Variants in ADCY2 observed in about 807,000 individuals in gnomAD.
ADCY2 encodes the protein adenylate cyclase 2.
In ADCY2, 31 loss-of-function variants were observed where a neutral mutation model predicts 125.2. That is an observed-to-expected ratio of 0.25 (90% CI 0.19 to 0.33). The LOEUF (loss-of-function observed/expected upper bound fraction) is 0.33. ADCY2 is among the 10% of genes least tolerant of loss of function. The pLI, the probability that ADCY2 is intolerant of heterozygous loss-of-function variation, is 1.00. For synonymous variants in ADCY2, 512 were observed against 548.4 expected (o/e 0.93, Z 0.93); for missense variants, 904 against 1,418.2 (o/e 0.64, Z 5.82).
rs1740999167 is a variant in ADCY2 at position 7,699,220 on chromosome 5, C to T, written c.1109+846C>T. Among the ~76,000 whole-genome samples the T allele has an allele frequency of 2.7e-5, 4 of 146,838 alleles. No individual in the cohort carries two copies. In the South Asian group the frequency reaches 9.0e-4, roughly 33 times the overall value. ...TCACGCCATTCTCCTGCCTCAGCCT[C>T]CCAAGTAGCTGGGACTACAGGCGCC... is the stretch of plus-strand genomic sequence containing the variant. On this transcript the variant is annotated intron_variant, in intron 7 of 24. Transcript: ENST00000338316.
At position 7,744,573 on chromosome 5, in the gene ADCY2, C is replaced by G. The variant is rs142641864; in HGVS notation, c.1956+821C>G. ...AATTGAAAGTCTAAAGCAAGTGTTG[C>G]TAGCTGGCCATGAGTCTATGAGAGC... On this transcript the variant is annotated intron_variant, in intron 15 of 24. Transcript: ENST00000338316. Among the ~76,000 whole-genome samples, 662 of 152,282 alleles carry G rather than the reference C, an allele frequency of 4.3e-3. 4 individuals carry two copies. Among genetic ancestry groups the G allele is most frequent in the African/African-American group, 0.015 (636 of 41,552 alleles).
chr5:7,668,145 C>T (rs1381928964), intron 4 of ADCY2, among the ~76,000 whole-genome samples: 1 of 152,140 alleles, frequency 6.6e-6, no homozygotes, highest in Non-Finnish European at 1.5e-5. Flanking sequence ...TTGGGTAGGC[C>T]ATGGTACCCA....
chr5:7,664,943 C>A (rs1275470647), intron 4 of ADCY2, among the ~76,000 whole-genome samples: 1 of 152,192 alleles, frequency 6.6e-6, no homozygotes, highest in East Asian at 1.9e-4. Flanking sequence ...CAATTGTCAA[C>A]CACAAAATGT....
intron 16 of ADCY2, among the ~76,000 whole-genome samples, chr5:7,765,585 C>G (rs1743351218): frequency 6.6e-6 from 1 of 152,024 alleles, no homozygotes; most frequent in Non-Finnish European, 1.5e-5. Context: ...CAAGAATAGA[C>G]TAAGTAAATG....
At chr5:7,708,870 A>C (rs1466766031) in intron 9 of ADCY2, among the ~76,000 whole-genome samples, 1 of 152,196 alleles carries the variant, frequency 6.6e-6, no homozygotes, top group Non-Finnish European at 1.5e-5. Flanking sequence ...AGCATTAGAA[A>C]CAGCACTACA....
chr5:7,539,659 G>A (rs1341259294), intron 3 of ADCY2, among the ~76,000 whole-genome samples: 1 of 152,166 alleles, frequency 6.6e-6, no homozygotes, highest in Non-Finnish European at 1.5e-5. Context: ...TCCAGAACAG[G>A]GATTGACAGT....
chr5:7,601,825 T>C (rs1253579463), intron 3 of ADCY2, among the ~76,000 whole-genome samples: 1 of 152,218 alleles, frequency 6.6e-6, no homozygotes, highest in African/African-American at 2.4e-5. Flanking sequence ...CATCAGAGTA[T>C]TCATTCCCTA....
At chr5:7,826,057 C>T (rs1479441066) in intron 24 of ADCY2, among the ~76,000 whole-genome samples, 2 of 152,354 alleles carry the variant, frequency 1.3e-5, no homozygotes, top group East Asian at 3.9e-4. Flanking sequence ...TGCAGTGAAG[C>T]GAGGAGACCT....
intron 3 of ADCY2, among the ~76,000 whole-genome samples, chr5:7,619,797 C>T (rs2126651900): frequency 6.6e-6 from 1 of 152,306 alleles, no homozygotes; most frequent in South Asian, 2.1e-4. Context: ...CTATGGAGCC[C>T]TGAGTATTGG....
intron 23 of ADCY2, among the ~76,000 whole-genome samples, chr5:7,819,704 C>T (rs555760661): frequency 6.6e-6 from 1 of 152,196 alleles, no homozygotes; most frequent in South Asian, 2.1e-4. Flanking sequence ...CCTCCATGCA[C>T]TGTGACATCC....
intron 2 of ADCY2, among the ~76,000 whole-genome samples, chr5:7,418,585 C>T (rs1323161191): frequency 6.6e-6 from 1 of 151,592 alleles, no homozygotes; most frequent in Non-Finnish European, 1.5e-5. Flanking sequence ...CTTCTAGCTG[C>T]CCCTGTCCAT....
At chr5:7,645,917 ACAT>A (rs1283985012) in intron 4 of ADCY2, among the ~76,000 whole-genome samples, 1 of 152,218 alleles carries the variant, frequency 6.6e-6, no homozygotes, top group African/African-American at 2.4e-5. Context: ...AATAAAGCAA[ACAT>A]CTTAAAAATA....
intron 15 of ADCY2, among the ~76,000 whole-genome samples, chr5:7,744,338 T>C (rs949254219): frequency 1.3e-5 from 2 of 152,128 alleles, no homozygotes; most frequent in East Asian, 1.9e-4. Flanking sequence ...TGTATGCCTA[T>C]GTAACAAACC....
intron 24 of ADCY2, 101 bp downstream of exon 24, chr5:7,820,790 A>G: frequency 7.4e-7 from 1 of 1,347,314 alleles, no homozygotes; most frequent in Non-Finnish European, 9.6e-7. Context: ...AAAACAAAGG[A>G]AAAAAGTAAA....
intron 2 of ADCY2, among the ~76,000 whole-genome samples, chr5:7,482,965 T>C (rs1742793848): frequency 6.6e-6 from 1 of 151,726 alleles, no homozygotes; most frequent in Non-Finnish European, 1.5e-5. Flanking sequence ...GCTAAAAACA[T>C]TGATCTCATG....
chr5:7,641,814 A>G (rs532730989), intron 4 of ADCY2, among the ~76,000 whole-genome samples: 7 of 151,970 alleles, frequency 4.6e-5, no homozygotes, highest in Admixed American at 3.3e-4. Flanking sequence ...GCTTAGGATT[A>G]TGGCCTCTAG....
At chr5:7,652,282 G>A (rs900316961) in intron 4 of ADCY2, among the ~76,000 whole-genome samples, 2 of 152,148 alleles carry the variant, frequency 1.3e-5, no homozygotes, top group Non-Finnish European at 2.9e-5. Flanking sequence ...GTAGTGACAT[G>A]TATAAAAATG....
chr5:7,692,613 C>T (rs1367147039), intron 5 of ADCY2, among the ~76,000 whole-genome samples: 1 of 152,152 alleles, frequency 6.6e-6, no homozygotes, highest in Non-Finnish European at 1.5e-5. Context: ...CCTTAAATGT[C>T]TGAAATTCAG....
At chr5:7,771,200 C>G (rs1376707290) in intron 17 of ADCY2, among the ~76,000 whole-genome samples, 1 of 152,096 alleles carries the variant, frequency 6.6e-6, no homozygotes, top group Non-Finnish European at 1.5e-5. Flanking sequence ...CATGCTAGAC[C>G]CCTCCTCCCT....
Sources: allele counts gnomAD v4.1 joint callset (sites outside exome capture counted in the v4.1 genomes callset), GRCh38; gene constraint gnomAD v4.1.1; transcripts MANE v1.5; gene names NCBI Gene and HGNC (gene_info 2026-07-23, HGNC 2026-07-21).